PTBP2: variants seen among roughly 807,000 people sequenced by gnomAD.
The protein encoded by PTBP2 is polypyrimidine tract-binding protein 2.
PTBP2 carries 13 observed loss-of-function variants against 61.4 expected under a neutral mutation model. That is an observed-to-expected ratio of 0.21 (90% CI 0.14 to 0.34). The LOEUF (loss-of-function observed/expected upper bound fraction) is 0.34. PTBP2 is among the 10% of genes least tolerant of loss of function. The probability of loss-of-function intolerance (pLI) is 1.00; values close to 1 mark genes in which losing one functional copy is unlikely to be tolerated. For synonymous variants in PTBP2, 215 were observed against 218.5 expected, an observed-to-expected ratio of 0.98 and a Z score of 0.14; for missense variants, 405 against 642.6, an observed-to-expected ratio of 0.63 and a Z score of 4.00.
At chr1:96,822,419 GAA>G (rs1662710808) in exon 14 of PTBP2, 1 of 152,174 alleles carries the variant, frequency 6.6e-6, no homozygotes, top group Non-Finnish European at 1.5e-5. Flanking sequence ...AACAAATAGA[GAA>G]ATACGTTTGG....
chr1:96,786,661 C>T (rs1659240112), intron 8 of PTBP2, among the ~76,000 whole-genome samples: 1 of 152,148 alleles, frequency 6.6e-6, no homozygotes, highest in Admixed American at 6.5e-5. Flanking sequence ...CAGCTAGGCA[C>T]TTGGCAGATA....
At chr1:96,783,655 A>T (rs181131906) in intron 7 of PTBP2, among the ~76,000 whole-genome samples, 1 of 152,142 alleles carries the variant, frequency 6.6e-6, no homozygotes, top group African/African-American at 2.4e-5. Flanking sequence ...TTATCTTTTG[A>T]TATTTATCTA....
At chr1:96,770,008 G>A (rs549238211) in intron 4 of PTBP2, 133 bp downstream of exon 4, 1 of 643,476 alleles carries the variant, frequency 1.6e-6, no homozygotes, top group African/African-American at 1.9e-5. Context: ...TTTTCGAGTA[G>A]ATGTCTGTGG....
intron 7 of PTBP2, among the ~76,000 whole-genome samples, chr1:96,779,143 T>A (rs1258825510): frequency 6.6e-6 from 1 of 152,148 alleles, no homozygotes; most frequent in Non-Finnish European, 1.5e-5. Flanking sequence ...AATCTTACTG[T>A]GCTTTCCGCT....
chr1:96,811,506 G>A (rs184475509), intron 11 of PTBP2, among the ~76,000 whole-genome samples: 8 of 152,108 alleles, frequency 5.3e-5, no homozygotes, highest in Admixed American at 6.5e-5. Flanking sequence ...TGTAACCTCC[G>A]CCTCCTGGGT....
At chr1:96,760,247 T>C (rs1570823018) in intron 3 of PTBP2, among the ~76,000 whole-genome samples, 2 of 151,914 alleles carry the variant, frequency 1.3e-5, no homozygotes, top group South Asian at 4.2e-4. Context: ...AGTGACATTA[T>C]AAGGATGGGT....
chr1:96,738,184 C>T (rs1652489168), intron 2 of PTBP2, among the ~76,000 whole-genome samples: 1 of 152,150 alleles, frequency 6.6e-6, no homozygotes, highest in Non-Finnish European at 1.5e-5. Flanking sequence ...ATCTACTACA[C>T]CCATTTCCAG....
chr1:96,821,339 G>A, exon 14 of PTBP2: 1 of 151,764 alleles, frequency 6.6e-6, no homozygotes, highest in African/African-American at 2.4e-5. Flanking sequence ...TTTTTGTTTT[G>A]TAAAGTAGTT....
chr1:96,767,479 TG>T (rs755947305), intron 3 of PTBP2, among the ~76,000 whole-genome samples: 5 of 152,060 alleles, frequency 3.3e-5, no homozygotes, highest in Non-Finnish European at 7.4e-5. Context: ...CTATAACACA[TG>T]GGGCTTTAGG....
intron 3 of PTBP2, among the ~76,000 whole-genome samples, chr1:96,753,214 T>G (rs1002811916): frequency 6.6e-6 from 1 of 152,144 alleles, no homozygotes; most frequent in East Asian, 1.9e-4. Context: ...GGCTAAATGG[T>G]GATTCCATAG....
chr1:96,723,715 T>C, intron 2 of PTBP2, 121 bp downstream of exon 2: 1 of 835,210 alleles, frequency 1.2e-6, no homozygotes, highest in Non-Finnish European at 1.9e-6. Flanking sequence ...GTAAAATGTT[T>C]CCTTTCATTT....
intron 2 of PTBP2, among the ~76,000 whole-genome samples, chr1:96,732,408 A>G (rs137919648): frequency 2.6e-4 from 39 of 152,314 alleles, no homozygotes; most frequent in African/African-American, 8.7e-4. Context: ...AAATGACAGT[A>G]CTATGTTAGA....
chr1:96,773,745 G>C (rs1008528471), intron 5 of PTBP2, among the ~76,000 whole-genome samples: 14 of 152,022 alleles, frequency 9.2e-5, no homozygotes, highest in South Asian at 2.1e-4. Context: ...GGGAGGCTGA[G>C]GTGGGCGGAT....
chr1:96,765,707 C>CA lies in PTBP2; in HGVS notation c.116-3996_116-3995insA, dbSNP rs1557727917. The stretch of plus-strand genomic sequence containing the variant: ...GCCTGGCAATACAGCAAGACTCTGT[C>CA]TTAGATAGATAGATAGATAGATAGA... On this transcript the variant is annotated intron_variant, in intron 3 of 13. Coordinates refer to ENST00000674951, the MANE Select transcript of PTBP2 (RefSeq NM_021190.4). 1.4e-3 allele frequency among the ~76,000 whole-genome samples: 124 copies of CA among 90,440 alleles called. 1 individual carries two copies. The highest frequency in any genetic ancestry group is 8.8e-3 in the Admixed American group (71 of 8,112). 59.3% of individuals were successfully genotyped at this position (90,440 alleles called of 152,430 possible). A position where few individuals can be genotyped will look rare whatever the true frequency, so the allele number is the denominator to read the frequency against.
chr1:96,773,481 G>A (rs938655591), intron 5 of PTBP2, among the ~76,000 whole-genome samples: 7 of 152,018 alleles, frequency 4.6e-5, no homozygotes, highest in East Asian at 1.9e-4. Flanking sequence ...TTCAGTGTTA[G>A]CATTTATGTT....
chr1:96,723,248 T>G (rs1028026323), intron 1 of PTBP2, among the ~76,000 whole-genome samples: 30 of 152,240 alleles, frequency 2.0e-4, no homozygotes, highest in African/African-American at 7.2e-4. Flanking sequence ...CTAAAGAGTT[T>G]AAGCGTTAAA....
At chr1:96,791,975 A>T (rs1659888817) in intron 8 of PTBP2, among the ~76,000 whole-genome samples, 1 of 151,438 alleles carries the variant, frequency 6.6e-6, no homozygotes, top group African/African-American at 2.4e-5. Context: ...CTGGGACTAC[A>T]GGCGCACGCC....
At chr1:96,758,636 C>A (rs571497750) in intron 3 of PTBP2, among the ~76,000 whole-genome samples, 21 of 152,174 alleles carry the variant, frequency 1.4e-4, no homozygotes, top group Admixed American at 1.1e-3. Context: ...AGAAGAATTT[C>A]TCTCAGAAAA....
At chr1:96,803,508 C>T (rs1327651601) in intron 8 of PTBP2, among the ~76,000 whole-genome samples, 6 of 151,794 alleles carry the variant, frequency 4.0e-5, no homozygotes, top group Non-Finnish European at 7.4e-5. Context: ...AAACATATGC[C>T]ACTGACAGAG....
Sources: allele counts gnomAD v4.1 joint callset (sites outside exome capture counted in the v4.1 genomes callset), GRCh38; gene constraint gnomAD v4.1.1; transcripts MANE v1.5; gene names NCBI Gene and HGNC (gene_info 2026-07-23, HGNC 2026-07-21).